The following FHIT variants were observed in gnomAD, a reference collection of about 807,000 sequenced individuals.
The protein encoded by FHIT is bis(5'-adenosyl)-triphosphatase.
Under a neutral mutation model 17.9 loss-of-function variants are expected in FHIT, and 19 were observed. That is an observed-to-expected ratio of 1.06 (90% CI 0.74 to 1.56). FHIT has a LOEUF of 1.56. Among genes scored for constraint, FHIT ranks in the 40% most tolerant of loss-of-function variants. FHIT has a pLI of 0.00. For missense variants in FHIT, 248 were observed against 189.2 expected (o/e 1.31, Z -1.82); for synonymous variants, 81 against 69.7 (o/e 1.16, Z -0.81).
chr3:60,556,738 G>C (rs1190745413), intron 4 of FHIT, among the ~76,000 whole-genome samples: 5 of 152,260 alleles, frequency 3.3e-5, no homozygotes, highest in Admixed American at 3.3e-4. Flanking sequence ...ATAGAGGCTG[G>C]TGGTAGAGAA....
At chr3:59,872,350 G>T (rs1261386479) in intron 8 of FHIT, among the ~76,000 whole-genome samples, 1 of 152,178 alleles carries the variant, frequency 6.6e-6, no homozygotes, top group Non-Finnish European at 1.5e-5. Context: ...TGAGGAGGGC[G>T]ATGAGGCTGA....
chr3:60,499,078 A>G (rs2034418062), intron 5 of FHIT, among the ~76,000 whole-genome samples: 1 of 152,116 alleles, frequency 6.6e-6, no homozygotes, highest in Admixed American at 6.5e-5. Flanking sequence ...TTGCTTCGAG[A>G]TTCCATGAGT....
At chr3:60,016,134 C>T (rs955257144) in intron 5 of FHIT, among the ~76,000 whole-genome samples, 2 of 152,134 alleles carry the variant, frequency 1.3e-5, no homozygotes, top group African/African-American at 2.4e-5. Flanking sequence ...GGATTATCTC[C>T]TCTGTCAAGA....
intron 2 of FHIT, among the ~76,000 whole-genome samples, chr3:61,056,663 C>T (rs577614365): frequency 1.3e-5 from 2 of 152,290 alleles, no homozygotes; most frequent in African/African-American, 4.8e-5. Flanking sequence ...CAGCAATCCT[C>T]TCCACAGAGG....
chr3:60,022,696 G>C (rs1383631646), intron 5 of FHIT, among the ~76,000 whole-genome samples: 1 of 152,204 alleles, frequency 6.6e-6, no homozygotes, highest in Non-Finnish European at 1.5e-5. Flanking sequence ...GGATTCTGAA[G>C]CTCTGATAAG....
At chr3:59,821,565 C>A (rs746218533) in intron 8 of FHIT, among the ~76,000 whole-genome samples, 17 of 152,238 alleles carry the variant, frequency 1.1e-4, no homozygotes, top group Admixed American at 7.2e-4. Context: ...GCAGAGTTCT[C>A]CCTCAGTTGC....
intron 5 of FHIT, among the ~76,000 whole-genome samples, chr3:60,441,753 TAAAA>T (rs1312667955): frequency 9.9e-4 from 40 of 40,416 alleles, no homozygotes; most frequent in African/African-American, 1.9e-3. Flanking sequence ...TTTATATATA[TAAAA>T]ATATATATAT....
chr3:60,191,498 T>C (rs1025217588), intron 5 of FHIT, among the ~76,000 whole-genome samples: 3 of 152,138 alleles, frequency 2.0e-5, no homozygotes, highest in South Asian at 2.1e-4. Context: ...TGTACATTGC[T>C]CACATACAAA....
intron 1 of FHIT, among the ~76,000 whole-genome samples, chr3:61,210,242 A>T (rs1037380532): frequency 1.3e-5 from 2 of 151,616 alleles, no homozygotes; most frequent in Non-Finnish European, 3.0e-5. Context: ...CAGTTAGGCT[A>T]CTCGGGGGTC....
At chr3:60,109,386 A>G (rs536554860) in intron 5 of FHIT, among the ~76,000 whole-genome samples, 6 of 152,142 alleles carry the variant, frequency 3.9e-5, no homozygotes, top group Non-Finnish European at 8.8e-5. Flanking sequence ...ACAATCCCAA[A>G]AGTGAAATAT....
chr3:60,271,450 G>C (rs2132608), intron 5 of FHIT, among the ~76,000 whole-genome samples: 38,281 of 152,004 alleles, frequency 0.25, 5,516 homozygotes, highest in East Asian at 0.67. Flanking sequence ...TAGACAAAGA[G>C]AAAGACAAGA....
intron 4 of FHIT, among the ~76,000 whole-genome samples, chr3:60,801,746 T>C (rs1701194513): frequency 6.6e-6 from 1 of 152,334 alleles, no homozygotes. Context: ...GTGATGATTA[T>C]GTGTGGAATG....
At chr3:61,155,462 C>T (rs2037508960) in intron 2 of FHIT, among the ~76,000 whole-genome samples, 1 of 151,506 alleles carries the variant, frequency 6.6e-6, no homozygotes, top group African/African-American at 2.4e-5. Flanking sequence ...TTTCTTGTTT[C>T]TTTTTTTTCC....
At chr3:59,865,278 C>A (rs967197625) in intron 8 of FHIT, among the ~76,000 whole-genome samples, 3 of 150,394 alleles carry the variant, frequency 2.0e-5, no homozygotes, top group Non-Finnish European at 4.5e-5. Flanking sequence ...GTCTTTTAAA[C>A]CATGGCTGTC....
At chr3:60,241,759 T>C (rs1045293973) in intron 5 of FHIT, among the ~76,000 whole-genome samples, 3 of 152,086 alleles carry the variant, frequency 2.0e-5, no homozygotes, top group Non-Finnish European at 4.4e-5. Context: ...TCATGACTAG[T>C]AGGAGTTAGT....
intron 3 of FHIT, among the ~76,000 whole-genome samples, chr3:60,902,054 GT>G (rs1468740948): frequency 6.6e-6 from 1 of 151,962 alleles, no homozygotes; most frequent in Admixed American, 6.6e-5. Flanking sequence ...TACACTTTTA[GT>G]ATATATTTAT....
intron 2 of FHIT, among the ~76,000 whole-genome samples, chr3:61,197,755 G>A (rs6773042): frequency 0.018 from 2,759 of 152,192 alleles, 40 homozygotes; most frequent in Non-Finnish European, 0.027. Flanking sequence ...GTTGCTGGGG[G>A]TAAACCGAAG....
At position 60,402,677 on chromosome 3, in the gene FHIT, C is replaced by T. The variant is rs555842934; in HGVS notation, c.103+134183G>A. ...GAGCAGAAAGCCTGGTTTAGAAATA[C>T]AATACCATCTGTAATAAAGTAGCAC... On this transcript the variant is annotated intron_variant, in intron 5 of 9. Transcript: ENST00000492590. Among the ~76,000 whole-genome samples, 15 of 152,312 alleles carry T rather than the reference C, an allele frequency of 9.8e-5. No individual in the cohort carries two copies. In the South Asian group the frequency reaches 2.5e-3, roughly 25 times the overall value.
chr3:60,516,109 G>T (rs2035144544), intron 5 of FHIT, among the ~76,000 whole-genome samples: 1 of 152,110 alleles, frequency 6.6e-6, no homozygotes. Flanking sequence ...CAAACCTGTT[G>T]GTCTCTGTAC....
Sources: gnomAD v4.1 joint callset for allele counts (sites outside exome capture counted in the v4.1 genomes callset) on GRCh38, gnomAD v4.1.1 for gene constraint, MANE v1.5 for transcripts, NCBI Gene and HGNC (gene_info 2026-07-23, HGNC 2026-07-21) for gene names.